LEPROTL1: variants seen among roughly 807,000 people sequenced by gnomAD.
LEPROTL1 encodes leptin receptor overlapping transcript-like 1.
In LEPROTL1, 6 loss-of-function variants were observed where a neutral mutation model predicts 15.4. The ratio of observed to expected loss-of-function variants is 0.39; its 90% CI spans 0.21 to 0.77. The LOEUF (loss-of-function observed/expected upper bound fraction) is 0.77, where lower values mean the gene tolerates loss of function less well. Among genes scored for constraint, LEPROTL1 ranks in the 30% least tolerant of loss-of-function variants. LEPROTL1 has a pLI of 0.41. For synonymous variants in LEPROTL1, 56 were observed against 52.6 expected (o/e 1.06, Z -0.28); for missense variants, 128 against 158.1 (o/e 0.81, Z 1.02).
At chr8:30,132,902 AG>A in intron 4 of LEPROTL1, 1 of 1,505,250 alleles carries the variant, frequency 6.6e-7, no homozygotes, top group East Asian at 2.5e-5. Context: ...AGAGTGATGC[AG>A]AACCTGCAAG....
chr8:30,132,305 G>C lies in LEPROTL1; in HGVS notation c.280-70G>C, dbSNP rs144856522. On this transcript the variant is annotated intron_variant, in intron 3 of 4. Coordinates refer to the LEPROTL1 transcript ENST00000442880. ...GCCCTGCTGTGCTGGAATACAAGCC[G>C]TCGGAGCCATCGAGCTGTGCTTTGG... 3 of 1,551,646 alleles carry C rather than the reference G, an allele frequency of 1.9e-6. No individual in the cohort carries two copies. The South Asian group carries it at 3.6e-5, about 18-fold the overall frequency.
At chr8:30,135,865 G>A (rs1415823895) in intron 4 of LEPROTL1, among the ~76,000 whole-genome samples, 1 of 148,408 alleles carries the variant, frequency 6.7e-6, no homozygotes, top group African/African-American at 2.5e-5. Context: ...AGTGAGCCAT[G>A]AGCATGCCAC....
chr8:30,097,704 C>T (rs1802395278), intron 1 of LEPROTL1, among the ~76,000 whole-genome samples: 1 of 141,936 alleles, frequency 7.0e-6, no homozygotes, highest in African/African-American at 2.6e-5. Flanking sequence ...TATATACACA[C>T]ACACACACAC....
chr8:30,132,016 T>C (rs1803025755), intron 3 of LEPROTL1: 3 of 1,551,866 alleles, frequency 1.9e-6, no homozygotes, highest in Non-Finnish European at 2.6e-6. Context: ...GACACTGTTG[T>C]ACGAATTACA....
At chr8:30,095,856 C>G (rs1303865581) in intron 1 of LEPROTL1, 2 of 701,820 alleles carry the variant, frequency 2.8e-6, no homozygotes, top group Non-Finnish European at 5.2e-6. Flanking sequence ...GACGGCCACA[C>G]ACGTTTTGCA....
intron 1 of LEPROTL1, among the ~76,000 whole-genome samples, chr8:30,097,234 T>C (rs1802380429): frequency 6.6e-6 from 1 of 152,226 alleles, no homozygotes; most frequent in South Asian, 2.1e-4. Context: ...TAAATCTTCC[T>C]AGTTGCCAAT....
At chr8:30,102,874 T>C (rs1431550864) in intron 2 of LEPROTL1, among the ~76,000 whole-genome samples, 1 of 152,122 alleles carries the variant, frequency 6.6e-6, no homozygotes, top group Non-Finnish European at 1.5e-5. Flanking sequence ...CAGGGACTCT[T>C]TTGTGCTGTG....
At chr8:30,116,194 C>CGCAT (rs1802738350) in intron 3 of LEPROTL1, among the ~76,000 whole-genome samples, 1 of 152,054 alleles carries the variant, frequency 6.6e-6, no homozygotes. Flanking sequence ...GAGCTGTGAT[C>CGCAT]ATGCCACTGT....
intron 4 of LEPROTL1, among the ~76,000 whole-genome samples, chr8:30,135,116 T>C (rs1239265388): frequency 2.7e-5 from 4 of 149,666 alleles, no homozygotes; most frequent in African/African-American, 9.8e-5. Flanking sequence ...AGTCTCAAAC[T>C]CCTGGCCTCA....
intron 1 of LEPROTL1, chr8:30,095,898 G>C (rs1802355139): frequency 1.4e-6 from 1 of 699,600 alleles, no homozygotes; most frequent in African/African-American, 1.8e-5. Context: ...GGCAGGCAGA[G>C]CGTGGGATTG....
chr8:30,097,813 G>C (rs1187668969), intron 1 of LEPROTL1, among the ~76,000 whole-genome samples: 1 of 150,204 alleles, frequency 6.7e-6, no homozygotes, highest in Non-Finnish European at 1.5e-5. Context: ...CATATTCATA[G>C]CACTTACAAT....
rs539343215 is a variant in LEPROTL1 at position 30,117,797 on chromosome 8, A to G, written c.279+13311A>G. 465 of 729,834 alleles carry G rather than the reference A, an allele frequency of 6.4e-4. 2 individuals carry two copies. Among genetic ancestry groups the G allele is most frequent in the African/African-American group, 5.9e-3 (344 of 57,944 alleles). 45.2% of individuals were successfully genotyped at this position (729,834 alleles called of 1,614,324 possible). ...CGCACCATTGTGGCGGCGCAGAAAG[A>G]TGGCAGGAGGAGCAGTGAGACCCTG... is the stretch of plus-strand genomic sequence containing the variant. On this transcript the variant is annotated intron_variant, in intron 3 of 4. Coordinates refer to the LEPROTL1 transcript ENST00000442880.
chr8:30,109,728 A>G (rs1019261760), downstream of LEPROTL1, among the ~76,000 whole-genome samples: 2 of 152,164 alleles, frequency 1.3e-5, no homozygotes, highest in Non-Finnish European at 2.9e-5. Flanking sequence ...AAATAAGGCA[A>G]CCAAGCTTAT....
At chr8:30,124,391 C>T (rs982893935) in intron 3 of LEPROTL1, among the ~76,000 whole-genome samples, 4 of 152,180 alleles carry the variant, frequency 2.6e-5, no homozygotes, top group African/African-American at 7.2e-5. Context: ...CCAGTTTCAA[C>T]AATTCTGAAC....
intron 1 of LEPROTL1, 85 bp downstream of exon 1, chr8:30,095,613 C>T (rs915974092): frequency 3.4e-6 from 4 of 1,161,930 alleles, no homozygotes; most frequent in Admixed American, 4.3e-5. Flanking sequence ...CGCACTTCCC[C>T]TCCGGGCTCG....
At chr8:30,131,306 G>GTGTGTATA (rs71206233) in intron 3 of LEPROTL1, among the ~76,000 whole-genome samples, 5,193 of 141,332 alleles carry the variant, frequency 0.037, 131 homozygotes, top group Admixed American at 0.056. Context: ...ATGTGTGTGT[G>GTGTGTATA]TATATATATA....
rs1484556469 is a variant in LEPROTL1, at chr8:30,106,581, T to C, written c.*719T>C. Reference sequence around the variant, plus strand: ...TTTATGTTAAACTTTAAGGTAAGGGTGTAAAAACATTTTTGAGATAAGGTT... The same window carrying C: ...TTTATGTTAAACTTTAAGGTAAGGGCGTAAAAACATTTTTGAGATAAGGTT... On this transcript the variant is annotated 3_prime_UTR_variant, in exon 4 of 4. Transcript: ENST00000321250. The C allele has an allele frequency of 2.0e-6, 2 of 983,388 alleles. No individual in the cohort carries two copies. The highest frequency in any genetic ancestry group is 2.4e-6 in the Non-Finnish European group (2 of 828,294). 60.9% of individuals were successfully genotyped at this position (983,388 alleles called of 1,614,324 possible). A position where few individuals can be genotyped will look rare whatever the true frequency, so the allele number is the denominator to read the frequency against.
rs762120775 is a variant in LEPROTL1, at chr8:30,095,467, TGCC to T, written c.-36_-34del. On this transcript the variant is annotated 5_prime_UTR_variant, in exon 1 of 4. Coordinates refer to ENST00000321250, the MANE Select transcript of LEPROTL1 (RefSeq NM_015344.3). ...TCTTGGGTCTCCCGGCTGCCGCTGC[TGCC>T]GCCGCCGCCTCGGGTCGTGGAGCCA... The T allele has an allele frequency of 8.9e-6, 13 of 1,463,854 alleles. No individual in the cohort carries two copies. The highest frequency in any genetic ancestry group is 5.2e-5 in the South Asian group (4 of 77,022). The allele number at this position is 1,463,854 out of a possible 1,614,324, so 90.7% of individuals were successfully genotyped here.
intron 3 of LEPROTL1, among the ~76,000 whole-genome samples, chr8:30,119,662 G>A (rs532509116): frequency 4.2e-4 from 64 of 152,284 alleles, no homozygotes; most frequent in Middle Eastern, 3.4e-3. Flanking sequence ...CTGAGGTACT[G>A]GGGGTTAGGA....
Sources: gnomAD v4.1 joint callset for allele counts (sites outside exome capture counted in the v4.1 genomes callset) on GRCh38, gnomAD v4.1.1 for gene constraint, MANE v1.5 for transcripts, NCBI Gene and HGNC (gene_info 2026-07-23, HGNC 2026-07-21) for gene names.